SPACA9: variants seen among roughly 807,000 people sequenced by gnomAD.
SPACA9 encodes sperm acrosome-associated protein 9.
In SPACA9, 14 loss-of-function variants were observed where a neutral mutation model predicts 12.5. The ratio of observed to expected loss-of-function variants is 1.12; its 90% CI spans 0.74 to 1.75. The LOEUF is 1.75. Ranked by LOEUF, SPACA9 falls within the 40% of genes most tolerant of loss-of-function variation. The probability of loss-of-function intolerance (pLI) is 0.00; values close to 1 mark genes in which losing one functional copy is unlikely to be tolerated. For synonymous variants in SPACA9, 111 were observed against 114.1 expected, an observed-to-expected ratio of 0.97 and a Z score of 0.17; for missense variants, 292 against 291.9, an observed-to-expected ratio of 1.00 and a Z score of 0.00.
chr9:132,881,569 C>G (rs1389391995), intron 1 of SPACA9, among the ~76,000 whole-genome samples: 1 of 151,922 alleles, frequency 6.6e-6, no homozygotes, highest in East Asian at 1.9e-4. Context: ...AGTTCAAGAC[C>G]AGCCTAGCTG....
At chr9:132,879,863 G>A (rs1159754478) in intron 1 of SPACA9, among the ~76,000 whole-genome samples, 1 of 152,228 alleles carries the variant, frequency 6.6e-6, no homozygotes, top group Non-Finnish European at 1.5e-5. Context: ...GGCAGAGCCA[G>A]GGCATGAACT....
rs954749026 is a variant in SPACA9, at chr9:132,887,139, A to G, written c.145-230A>G. Among the ~76,000 whole-genome samples, 11 of 141,858 alleles carry G rather than the reference A, an allele frequency of 7.8e-5. No homozygotes were observed. The highest frequency in any genetic ancestry group is 2.1e-4 in the East Asian group (1 of 4,744). The allele number at this position is 141,858 out of a possible 152,430, so 93.1% of individuals were successfully genotyped here. A position where few individuals can be genotyped will look rare whatever the true frequency, so the allele number is the denominator to read the frequency against. On this transcript the variant is annotated intron_variant, in intron 2 of 3. Transcript: ENST00000356311. The surrounding 1 kb of genome is among the most constrained non-coding windows in gnomAD (Gnocchi z 5.4). Reference sequence around the variant, plus strand: ...GATCCATTAATTTCATATCATATCTATCCATCCATCCATCCATCCATCCAT... The same window carrying G: ...GATCCATTAATTTCATATCATATCTGTCCATCCATCCATCCATCCATCCAT...
chr9:132,889,340 G>A lies in SPACA9; in HGVS notation c.*729G>A, dbSNP rs372479343. On this transcript the variant is annotated 3_prime_UTR_variant, in exon 4 of 4. Transcript: ENST00000356311. ...AGCCCCAACTGTAGGCAAGGCACAC[G>A]CTGTTTGCGAGCCAGGGATGCTCCC... is the stretch of plus-strand genomic sequence containing the variant. The A allele has an allele frequency of 2.0e-5, 20 of 985,550 alleles. No individual in the cohort carries two copies. In the East Asian group the frequency reaches 6.8e-4, roughly 34 times the overall value. 61.1% of individuals were successfully genotyped at this position (985,550 alleles called of 1,614,324 possible).
In SPACA9 at chr9:132,880,880, T is replaced by C. The variant is rs1182168005; in HGVS notation, c.-38+1866T>C. Among the ~76,000 whole-genome samples the C allele has an allele frequency of 2.7e-5, 4 of 150,478 alleles. No homozygotes were observed. In the South Asian group the frequency reaches 8.4e-4, roughly 32 times the overall value. On this transcript the variant is annotated intron_variant, in intron 1 of 3. Coordinates refer to ENST00000356311, the MANE Select transcript of SPACA9 (RefSeq NM_001316897.2). Reference sequence around the variant, plus strand: ...CTCTGTCGCCCAGGCTGGAGTGCAGTGGCGCCATCTCGGCTCACTGCAAGC... The same window carrying C: ...CTCTGTCGCCCAGGCTGGAGTGCAGCGGCGCCATCTCGGCTCACTGCAAGC...
Position 132,889,883 on chromosome 9 carries a change from A to G in SPACA9, c.*1272A>G, listed in dbSNP as rs1330709663. On this transcript the variant is annotated 3_prime_UTR_variant, in exon 4 of 4. Transcript: ENST00000356311. ...GTTTTCACAGCGTAGTCGAACCCCA[A>G]ACATTGTAAAATGTGTCCCTGGCTT... 2.1e-6 allele frequency: 3 copies of G among 1,410,822 alleles called. No homozygotes were observed. The highest frequency in any genetic ancestry group is 2.8e-6 in the Non-Finnish European group (3 of 1,071,056). The allele number at this position is 1,410,822 out of a possible 1,614,324, so 87.4% of individuals were successfully genotyped here.
At position 132,889,586 on chromosome 9, in the gene SPACA9, A is replaced by G. The variant is rs979265810; in HGVS notation, c.*975A>G. 4 of 344,088 alleles carry G rather than the reference A, an allele frequency of 1.2e-5. No individual in the cohort carries two copies. Among genetic ancestry groups the G allele is most frequent in the Admixed American group, 6.5e-5 (1 of 15,414 alleles). 21.3% of individuals were successfully genotyped at this position (344,088 alleles called of 1,614,324 possible). A position where few individuals can be genotyped will look rare whatever the true frequency, so the allele number is the denominator to read the frequency against. ...CCACCTGGCTAATTTATATATATATATATTTTTTAGTAGAGACGGGGCTTC... is the reference window on the plus strand; with the variant it reads ...CCACCTGGCTAATTTATATATATATGTATTTTTTAGTAGAGACGGGGCTTC... On this transcript the variant is annotated 3_prime_UTR_variant, in exon 4 of 4. Transcript: ENST00000356311.
chr9:132,884,242 A>G (rs1450312158), intron 2 of SPACA9, 151 bp downstream of exon 2: 12 of 739,800 alleles, frequency 1.6e-5, no homozygotes, highest in Non-Finnish European at 2.2e-5. Flanking sequence ...TGAGTCCTTC[A>G]TTCGTTTCTC....
chr9:132,882,110 T>TGGCCCA (rs1396769408), intron 1 of SPACA9, among the ~76,000 whole-genome samples: 2 of 152,220 alleles, frequency 1.3e-5, no homozygotes, highest in Non-Finnish European at 2.9e-5. Flanking sequence ...CTGCCTGCCC[T>TGGCCCA]GGCCCAGGCC....
intron 2 of SPACA9, among the ~76,000 whole-genome samples, chr9:132,885,005 C>T (rs537807311): frequency 1.4e-4 from 22 of 151,898 alleles, no homozygotes; most frequent in Middle Eastern, 3.4e-3. Flanking sequence ...CCCAGCTACT[C>T]GGGAGGCTGA....
chr9:132,878,806 G>C, upstream of SPACA9: 1 of 981,084 alleles, frequency 1.0e-6, no homozygotes, highest in Non-Finnish European at 1.2e-6. The surrounding 1 kb of genome is among the most constrained non-coding windows in gnomAD (Gnocchi z 4.7). Context: ...CCCGGCTCTG[G>C]CCAAGCCGCC....
Position 132,887,600 on chromosome 9 carries a change from C to T in SPACA9, c.347+29C>T, listed in dbSNP as rs372641287. On this transcript the variant is annotated intron_variant, in intron 3 of 3. Coordinates refer to ENST00000356311, the MANE Select transcript of SPACA9 (RefSeq NM_001316897.2). This position sits in a 1 kb window ranked among gnomAD's most constrained non-coding sequence, Gnocchi z 5.4. ...AGTCCCTCTGATGCTGCTCTTGAGG[C>T]CCCGTGTGTGCCTGTGGGGAGGCCT... The T allele has an allele frequency of 2.5e-6, 4 of 1,589,536 alleles. No homozygotes were observed. The highest frequency in any genetic ancestry group is 1.7e-5 in the Admixed American group (1 of 59,974).
chr9:132,882,890 G>C (rs1197941071), intron 1 of SPACA9, among the ~76,000 whole-genome samples: 2 of 152,080 alleles, frequency 1.3e-5, no homozygotes, highest in East Asian at 3.9e-4. Flanking sequence ...AGGGTGTCTT[G>C]GGCACAAATT....
chr9:132,889,581 T>C lies in SPACA9; in HGVS notation c.*970T>C, dbSNP rs1844689314. On this transcript the variant is annotated 3_prime_UTR_variant, in exon 4 of 4. Coordinates refer to ENST00000356311, the MANE Select transcript of SPACA9 (RefSeq NM_001316897.2). ...CCACCCCACCTGGCTAATTTATATA[T>C]ATATATATTTTTTAGTAGAGACGGG... The C allele has an allele frequency of 3.0e-6, 1 of 332,752 alleles. No homozygotes were observed. Among genetic ancestry groups the C allele is most frequent in the Non-Finnish European group, 4.3e-6 (1 of 234,106 alleles). 20.6% of individuals were successfully genotyped at this position (332,752 alleles called of 1,614,324 possible).
chr9:132,883,957 G>C lies in SPACA9; in HGVS notation c.10G>C (p.Val4Leu), dbSNP rs1421627292. 6.2e-7 allele frequency: 1 copy of C among 1,614,048 alleles called. No individual in the cohort carries two copies. Among genetic ancestry groups the C allele is most frequent in the African/African-American group, 1.3e-5 (1 of 74,924 alleles). MNE[V>L]KESLRSIEQK... ...ACCACAGAGGAAGACAATGAATGAG[G>C]TGAAAGAATCCCTTCGCAGCATCGA... is the stretch of plus-strand genomic sequence containing the variant. The change falls in exon 2 of 4, where the codon GTG (valine) becomes CTG (leucine). Residue 4 changes from valine to leucine, a missense_variant. Transcript: ENST00000356311.
In SPACA9 at chr9:132,888,391, A is replaced by C; in HGVS notation, c.449A>C (p.Glu150Ala). 1.2e-6 allele frequency: 2 copies of C among 1,614,064 alleles called. No individual in the cohort carries two copies. The highest frequency in any genetic ancestry group is 1.1e-5 in the South Asian group (1 of 91,084). Residue 150 changes from glutamate to alanine, a missense_variant, in exon 4 of 4, where the codon GAA (glutamate) becomes GCA (alanine). Glu to Ala is a moderately radical substitution (Grantham distance 107, BLOSUM62 -1). Transcript: ENST00000356311. This position sits in a 1 kb window ranked among gnomAD's most constrained non-coding sequence, Gnocchi z 5.0. ...CCCCTCATCCTAGACTTAATGAAAG[A>C]ATGGATCGCCCACTCCGAGAAGTTG... is the stretch of plus-strand genomic sequence containing the variant. The part of the protein sequence containing the change: ...LIPLILDLMK[E>A]WIAHSEKLPR...
chr9:132,890,032 C>G (rs1334653166), downstream of SPACA9: 12 of 1,403,924 alleles, frequency 8.5e-6, no homozygotes, highest in Non-Finnish European at 1.1e-5. Context: ...TCTACCACCT[C>G]TCTGCCTGAC....
In SPACA9 at chr9:132,888,917, A is replaced by G. The variant is rs11243926; in HGVS notation, c.*306A>G. The G allele has an allele frequency of 5.6e-5, 33 of 592,906 alleles. No individual in the cohort carries two copies. Among genetic ancestry groups the G allele is most frequent in the Admixed American group, 3.8e-4 (8 of 20,912 alleles). 36.7% of individuals were successfully genotyped at this position (592,906 alleles called of 1,614,324 possible). A position where few individuals can be genotyped will look rare whatever the true frequency, so the allele number is the denominator to read the frequency against. The stretch of plus-strand genomic sequence containing the variant: ...CAAGTAGCTGGGACTACAGGCGCCC[A>G]CCACCTCGCCTGGCTAATTTTTTGT... On this transcript the variant is annotated 3_prime_UTR_variant, in exon 4 of 4. Transcript: ENST00000356311. The surrounding 1 kb of genome is among the most constrained non-coding windows in gnomAD (Gnocchi z 5.0).
chr9:132,882,462 CT>C (rs60513113), intron 1 of SPACA9, among the ~76,000 whole-genome samples: 84,115 of 123,366 alleles, frequency 0.68, 28,181 homozygotes, highest in South Asian at 0.8. Flanking sequence ...TACCCTGCCT[CT>C]TTTTTTTTTT....
chr9:132,878,455 C>A (rs1465339293), upstream of SPACA9: 1 of 1,224,096 alleles, frequency 8.2e-7, no homozygotes, highest in African/African-American at 1.6e-5. This position sits in a 1 kb window ranked among gnomAD's most constrained non-coding sequence, Gnocchi z 4.7. Flanking sequence ...TTTCCCCAAC[C>A]CCGGCCTCGC....
Sources: gnomAD v4.1 joint callset for allele counts (sites outside exome capture counted in the v4.1 genomes callset) on GRCh38, gnomAD v4.1.1 for gene constraint, Gnocchi (gnomAD v3.1) non-coding constraint, MANE v1.5 for transcripts, NCBI Gene and HGNC (gene_info 2026-07-23, HGNC 2026-07-21) for gene names.